KCNT1: variants seen among roughly 807,000 people sequenced by gnomAD.
KCNT1 encodes potassium channel subfamily T member 1.
A neutral mutation model predicts 147.8 loss-of-function variants in KCNT1; 78 were observed. The ratio of observed to expected loss-of-function variants is 0.53; its 90% CI spans 0.44 to 0.64. KCNT1 has a LOEUF of 0.64. Among genes scored for constraint, KCNT1 ranks in the 30% least tolerant of loss-of-function variants. The pLI, the probability that KCNT1 is intolerant of heterozygous loss-of-function variation, is 0.00. For synonymous variants in KCNT1, 867 were observed against 748.8 expected (o/e 1.16, Z -2.58); for missense variants, 1,419 against 1,750.3 (o/e 0.81, Z 3.38).
Position 135,769,935 on chromosome 9 carries a change from C to G in KCNT1, c.1511-12C>G, listed in dbSNP as rs549024643. The G allele has an allele frequency of 1.9e-5, 30 of 1,543,654 alleles. No homozygotes were observed. The East Asian group carries it at 7.1e-4, about 36-fold the overall frequency. ...GAGCGGCAGGTGGACCGGCCTCCCC[C>G]ACTGCCCGCAGACCACGTGGTGTGT... On this transcript the variant is annotated splice_polypyrimidine_tract_variant and intron_variant, in intron 15 of 30. Transcript: ENST00000371757.
intron 2 of KCNT1, among the ~76,000 whole-genome samples, chr9:135,716,630 C>T (rs568948078): frequency 6.6e-6 from 1 of 152,310 alleles, no homozygotes; most frequent in Admixed American, 6.5e-5. Flanking sequence ...TGGCAGCTAC[C>T]GATTTGCATT....
chr9:135,741,464 C>T (rs1564335719), intron 2 of KCNT1, among the ~76,000 whole-genome samples: 1 of 152,216 alleles, frequency 6.6e-6, no homozygotes, highest in African/African-American at 2.4e-5. Context: ...CAGGGTCCAG[C>T]GAGAGGGAAG....
chr9:135,773,626 C>T (rs1002480378), intron 19 of KCNT1, among the ~76,000 whole-genome samples: 2 of 152,274 alleles, frequency 1.3e-5, no homozygotes, highest in Non-Finnish European at 2.9e-5. Flanking sequence ...TGCCTTTTGG[C>T]CTCAGCCAGG....
chr9:135,757,036 C>A (rs958066992), intron 7 of KCNT1, 104 bp downstream of exon 7: 97 of 1,127,270 alleles, frequency 8.6e-5, no homozygotes, highest in Admixed American at 5.1e-4. Flanking sequence ...CCACACTTCC[C>A]AGCCTCATCC....
chr9:135,712,582 T>C (rs1346007373), intron 1 of KCNT1, among the ~76,000 whole-genome samples: 1 of 152,034 alleles, frequency 6.6e-6, no homozygotes, highest in African/African-American at 2.4e-5. Flanking sequence ...AGCTGGCCGA[T>C]GTAGGCCTTC....
intron 15 of KCNT1, 59 bp from the exon 16 acceptor site, chr9:135,769,888 G>T (rs1832626304): frequency 1.3e-5 from 17 of 1,269,612 alleles, no homozygotes; most frequent in Non-Finnish European, 1.8e-5. Context: ...AGCAGGTACT[G>T]TGGGGGAGGA....
In KCNT1 at chr9:135,794,269, CCAT is replaced by C. The variant is rs1236277159; in HGVS notation, c.*2109_*2111del. ...GGAGTCCCCTGTGGCCACTCCACCA[CCAT>C]GAGGCCGGGAGGCATCTTAGCCTTT... On this transcript the variant is annotated 3_prime_UTR_variant, in exon 31 of 31. Transcript: ENST00000371757. The C allele has an allele frequency of 1.3e-5, 2 of 152,274 alleles. No homozygotes were observed. Among genetic ancestry groups the C allele is most frequent in the Admixed American group, 6.5e-5 (1 of 15,290 alleles). 9.4% of individuals were successfully genotyped at this position (152,274 alleles called of 1,614,324 possible).
chr9:135,774,117 G>T (rs533414087), intron 19 of KCNT1, among the ~76,000 whole-genome samples: 1 of 151,584 alleles, frequency 6.6e-6, no homozygotes, highest in Admixed American at 6.6e-5. Context: ...TGTTTGTCAC[G>T]TGTGGTGTGT....
At chr9:135,791,388 T>C (rs981627120) in intron 29 of KCNT1, 3 of 231,282 alleles carry the variant, frequency 1.3e-5, no homozygotes, top group Admixed American at 5.2e-5. Flanking sequence ...AATCTGCAGG[T>C]GTGTGCAGGT....
At chr9:135,718,868 G>A (rs1051810337) in intron 2 of KCNT1, among the ~76,000 whole-genome samples, 1 of 152,240 alleles carries the variant, frequency 6.6e-6, no homozygotes, top group Non-Finnish European at 1.5e-5. Context: ...AGCTCGGCGG[G>A]CCATGTGGGC....
intron 11 of KCNT1, among the ~76,000 whole-genome samples, chr9:135,763,322 T>G (rs1054702526): frequency 2.0e-5 from 3 of 152,210 alleles, no homozygotes; most frequent in Non-Finnish European, 4.4e-5. Flanking sequence ...TCCACTGGGC[T>G]GAATGCACCA....
At chr9:135,791,531 G>A (rs778521394) in intron 29 of KCNT1, 11 of 483,364 alleles carry the variant, frequency 2.3e-5, no homozygotes, top group South Asian at 4.6e-5. Flanking sequence ...CCTTTGCTGC[G>A]ATGCCACCTA....
intron 19 of KCNT1, among the ~76,000 whole-genome samples, chr9:135,774,280 G>GGTGTGTT (rs1301594091): frequency 6.8e-6 from 1 of 147,218 alleles, no homozygotes; most frequent in South Asian, 2.2e-4. Context: ...TTGTGTGTGT[G>GGTGTGTT]GTGTGTTGTG....
chr9:135,703,619 C>A (rs1028763552), intron 1 of KCNT1, among the ~76,000 whole-genome samples: 1 of 152,172 alleles, frequency 6.6e-6, no homozygotes, highest in Non-Finnish European at 1.5e-5. Context: ...GCCTGTCAGG[C>A]ACAGAGAAAA....
chr9:135,728,288 G>A (rs978744274), intron 2 of KCNT1, among the ~76,000 whole-genome samples: 3 of 152,222 alleles, frequency 2.0e-5, no homozygotes, highest in African/African-American at 7.2e-5. Context: ...CCCCGCTGTG[G>A]TACTTTGTTA....
At chr9:135,750,632 G>T in intron 3 of KCNT1, 1 of 514,422 alleles carries the variant, frequency 1.9e-6, no homozygotes, top group South Asian at 2.4e-5. Flanking sequence ...TTCCCCAGGG[G>T]CTCCACATTC....
In KCNT1 at chr9:135,757,294, A is replaced by G. The variant is rs780921786; in HGVS notation, c.676-4A>G. 27 of 1,611,858 alleles carry G rather than the reference A, an allele frequency of 1.7e-5. 1 individual carries two copies. In the Middle Eastern group the frequency reaches 2.6e-3, roughly 157 times the overall value. ...GCCCCAGCCCTGACCTGTCCCCTTC[A>G]CAGATCTTCTGGCCGCCGCTGCGGA... On this transcript the variant is annotated splice_region_variant and splice_polypyrimidine_tract_variant and intron_variant, in intron 8 of 30. Transcript: ENST00000371757.
chr9:135,775,011 G>C (rs1353660869), intron 19 of KCNT1, among the ~76,000 whole-genome samples: 1 of 152,180 alleles, frequency 6.6e-6, no homozygotes, highest in Non-Finnish European at 1.5e-5. Flanking sequence ...TTAAGGTTCG[G>C]CACCTGCATG....
intron 24 of KCNT1, among the ~76,000 whole-genome samples, chr9:135,783,383 A>G (rs1833759350): frequency 6.6e-6 from 1 of 151,386 alleles, no homozygotes; most frequent in South Asian, 2.1e-4. Flanking sequence ...AAGGCAAGAG[A>G]AGGAGGCCCC....
Sources: allele counts gnomAD v4.1 joint callset (sites outside exome capture counted in the v4.1 genomes callset), GRCh38; gene constraint gnomAD v4.1.1; transcripts MANE v1.5; gene names NCBI Gene and HGNC (gene_info 2026-07-23, HGNC 2026-07-21).